PIK3CD: variants seen among roughly 807,000 people sequenced by gnomAD.
PIK3CD encodes the protein phosphatidylinositol 4,5-bisphosphate 3-kinase catalytic subunit delta isoform.
A neutral mutation model predicts 122.9 loss-of-function variants in PIK3CD; 20 were observed. The ratio of observed to expected loss-of-function variants is 0.16; its 90% CI spans 0.11 to 0.24. The LOEUF (loss-of-function observed/expected upper bound fraction) is 0.24. PIK3CD is among the 10% of genes least tolerant of loss of function. The probability of loss-of-function intolerance (pLI) is 1.00; values close to 1 mark genes in which losing one functional copy is unlikely to be tolerated. For missense variants in PIK3CD, 787 were observed against 1,406.3 expected (o/e 0.56, Z 7.04); for synonymous variants, 596 against 593.4 (o/e 1.00, Z -0.06).
intron 1 of PIK3CD, among the ~76,000 whole-genome samples, chr1:9,664,010 C>T (rs1465828512): frequency 6.6e-6 from 1 of 151,704 alleles, no homozygotes; most frequent in Non-Finnish European, 1.5e-5. Context: ...CTTCAATGCA[C>T]CCCTCGTTTT....
At chr1:9,670,395 G>A (rs1163424171) in intron 1 of PIK3CD, among the ~76,000 whole-genome samples, 1 of 152,168 alleles carries the variant, frequency 6.6e-6, no homozygotes, top group South Asian at 2.1e-4. Flanking sequence ...TCTAATATGT[G>A]ATAGTTTCCT....
At chr1:9,679,153 C>T (rs564574616) in intron 1 of PIK3CD, among the ~76,000 whole-genome samples, 10 of 151,382 alleles carry the variant, frequency 6.6e-5, no homozygotes, top group South Asian at 4.2e-4. Context: ...CTGCAACCTC[C>T]GCCTCCCAGG....
chr1:9,690,546 C>T (rs115748644), intron 1 of PIK3CD, among the ~76,000 whole-genome samples: 5 of 152,146 alleles, frequency 3.3e-5, no homozygotes, highest in African/African-American at 1.2e-4. Context: ...CAGTGCCTTG[C>T]GAAGTGCTTG....
At chr1:9,654,836 G>A (rs1298843055) in intron 1 of PIK3CD, among the ~76,000 whole-genome samples, 1 of 151,878 alleles carries the variant, frequency 6.6e-6, no homozygotes. Context: ...GAGGTGGGCG[G>A]ATCACTTGAG....
chr1:9,677,057 C>T (rs1442775467), intron 1 of PIK3CD, among the ~76,000 whole-genome samples: 1 of 152,156 alleles, frequency 6.6e-6, no homozygotes, highest in Non-Finnish European at 1.5e-5. Context: ...TGGTTCAGAG[C>T]TTACAGGGTT....
chr1:9,663,203 A>G (rs1344930117), intron 1 of PIK3CD, among the ~76,000 whole-genome samples: 1 of 152,178 alleles, frequency 6.6e-6, no homozygotes, highest in Admixed American at 6.6e-5. Flanking sequence ...GTCAGCGTCT[A>G]TTCAAGACCC....
chr1:9,650,764 G>A (rs1485782720), upstream of PIK3CD, among the ~76,000 whole-genome samples: 3 of 152,164 alleles, frequency 2.0e-5, no homozygotes, highest in African/African-American at 4.8e-5. Context: ...CTTCTTATGC[G>A]GATAAAATTT....
upstream of PIK3CD, among the ~76,000 whole-genome samples, chr1:9,650,344 C>T (rs558078448): frequency 2.7e-4 from 41 of 152,302 alleles, no homozygotes; most frequent in African/African-American, 9.1e-4. Flanking sequence ...ATTGCTTGAA[C>T]CCAGGAGGCT....
rs565790942 is a variant in PIK3CD at position 9,683,433 on chromosome 1, G to A, written c.-137-8034G>A. 1.2e-4 allele frequency among the ~76,000 whole-genome samples: 17 copies of A among 144,992 alleles called. No individual in the cohort carries two copies. In the East Asian group the frequency reaches 3.5e-3, roughly 30 times the overall value. On this transcript the variant is annotated intron_variant, in intron 1 of 23. Coordinates refer to ENST00000377346, the MANE Select transcript of PIK3CD (RefSeq NM_005026.5). ...AGCCTGGGCGACAGAGTGAGACTCT[G>A]TCTCAAAAAAAAAAAATAAAAACAA...
At position 9,723,435 on chromosome 1, in the gene PIK3CD, T is replaced by A; in HGVS notation, c.2594+143T>A. ...TGGCTCAGTTGAGGACCAGCCTGTG[T>A]CTGGGTTGGGGTGAGGTAGGTCTCT... is the stretch of plus-strand genomic sequence containing the variant. On this transcript the variant is annotated intron_variant, in intron 20 of 23. Coordinates refer to ENST00000377346, the MANE Select transcript of PIK3CD (RefSeq NM_005026.5). The surrounding 1 kb of genome is among the most constrained non-coding windows in gnomAD (Gnocchi z 4.9). 1 of 857,134 alleles carries A rather than the reference T, an allele frequency of 1.2e-6. No individual in the cohort carries two copies. The highest frequency in any genetic ancestry group is 2.6e-5 in the East Asian group (1 of 38,664). The allele number at this position is 857,134 out of a possible 1,614,324, so 53.1% of individuals were successfully genotyped here.
chr1:9,694,768 TC>T (rs1646337958), intron 2 of PIK3CD, among the ~76,000 whole-genome samples: 1 of 151,988 alleles, frequency 6.6e-6, no homozygotes, highest in Admixed American at 6.6e-5. Context: ...TTCGAGACCA[TC>T]CTGGGCAACG....
At chr1:9,698,330 C>T (rs540616558) in intron 2 of PIK3CD, among the ~76,000 whole-genome samples, 6 of 152,204 alleles carry the variant, frequency 3.9e-5, no homozygotes, top group East Asian at 3.9e-4. Context: ...TTAATAGAGA[C>T]GGGGTTTCAC....
chr1:9,707,797 TTTG>T (rs537067785), intron 2 of PIK3CD, among the ~76,000 whole-genome samples: 35 of 135,320 alleles, frequency 2.6e-4, no homozygotes, highest in South Asian at 1.1e-3. Context: ...TTTTTATAAT[TTTG>T]TTTTTTTTTT....
Position 9,724,663 on chromosome 1 carries a change from C to A in PIK3CD, c.2865-141C>A, listed in dbSNP as rs1649217725. ...TGGCTGGGGCACGGGGGTCAGTTAG[C>A]AGAACTGGAGGCCTTGTGTCCACCC... is the stretch of plus-strand genomic sequence containing the variant. On this transcript the variant is annotated intron_variant, in intron 22 of 23. Coordinates refer to ENST00000377346, the MANE Select transcript of PIK3CD (RefSeq NM_005026.5). The surrounding 1 kb of genome is among the most constrained non-coding windows in gnomAD (Gnocchi z 7.3). 1 of 1,200,114 alleles carries A rather than the reference C, an allele frequency of 8.3e-7. No homozygotes were observed. The highest frequency in any genetic ancestry group is 1.5e-5 in the African/African-American group (1 of 66,944). 74.3% of individuals were successfully genotyped at this position (1,200,114 alleles called of 1,614,324 possible). A position where few individuals can be genotyped will look rare whatever the true frequency, so the allele number is the denominator to read the frequency against.
chr1:9,639,675 G>A, the PIK3CD span, among the ~76,000 whole-genome samples: 1 of 152,138 alleles, frequency 6.6e-6, no homozygotes, highest in African/African-American at 2.4e-5. Flanking sequence ...CTCTTCTGGG[G>A]CTCTGCCTCT....
upstream of PIK3CD, among the ~76,000 whole-genome samples, chr1:9,651,554 G>A (rs1293223607): frequency 6.6e-6 from 1 of 152,346 alleles, no homozygotes; most frequent in East Asian, 1.9e-4. Context: ...CACCTGGGAT[G>A]ATGCCCCTCT....
At chr1:9,709,495 C>A (rs1646967859) in intron 2 of PIK3CD, among the ~76,000 whole-genome samples, 4 of 151,220 alleles carry the variant, frequency 2.6e-5, no homozygotes, top group Non-Finnish European at 5.9e-5. Flanking sequence ...TCCCTTGAAC[C>A]CAGGAGGTCA....
Position 9,686,369 on chromosome 1 carries a change from T to C in PIK3CD, c.-137-5098T>C, listed in dbSNP as rs564395198. 2.2e-3 allele frequency among the ~76,000 whole-genome samples: 333 copies of C among 151,284 alleles called. 1 individual carries two copies. Among genetic ancestry groups the C allele is most frequent in the African/African-American group, 7.5e-3 (311 of 41,332 alleles). ...CCACCATGCCAGGCTAATTTTCTTT[T>C]TTTTTTTTTTTTAGTAGAGACGAGG... On this transcript the variant is annotated intron_variant, in intron 1 of 23. Coordinates refer to ENST00000377346, the MANE Select transcript of PIK3CD (RefSeq NM_005026.5).
the PIK3CD span, among the ~76,000 whole-genome samples, chr1:9,628,918 G>A: frequency 2.6e-5 from 4 of 152,140 alleles, no homozygotes; most frequent in Non-Finnish European, 5.9e-5. Context: ...AAGGTTGGGC[G>A]GTGGGAACTC....
Sources: gnomAD v4.1 joint callset for allele counts (sites outside exome capture counted in the v4.1 genomes callset) on GRCh38, gnomAD v4.1.1 for gene constraint, Gnocchi (gnomAD v3.1) non-coding constraint, MANE v1.5 for transcripts, NCBI Gene and HGNC (gene_info 2026-07-23, HGNC 2026-07-21) for gene names.